TNFRSF8: variants seen among roughly 807,000 people sequenced by gnomAD.
TNFRSF8 encodes TNF receptor superfamily member 8, also known as tumor necrosis factor receptor superfamily member 8.
Under a neutral mutation model 70.8 loss-of-function variants are expected in TNFRSF8, and 26 were observed. The ratio of observed to expected loss-of-function variants is 0.37; its 90% CI spans 0.27 to 0.51. TNFRSF8 has a LOEUF of 0.51. TNFRSF8 is among the 20% of genes least tolerant of loss of function. The pLI, the probability that TNFRSF8 is intolerant of heterozygous loss-of-function variation, is 0.94. For synonymous variants in TNFRSF8, 356 were observed against 339.2 expected (o/e 1.05, Z -0.54); for missense variants, 720 against 807.9 (o/e 0.89, Z 1.32).
intron 1 of TNFRSF8, among the ~76,000 whole-genome samples, chr1:12,068,036 T>C (rs1640773060): frequency 1.3e-5 from 2 of 152,034 alleles, no homozygotes; most frequent in South Asian, 4.1e-4. Flanking sequence ...TTGAGAGCAG[T>C]GAGTGCCGGA....
At chr1:12,122,682 A>G (rs1344850382) in intron 8 of TNFRSF8, among the ~76,000 whole-genome samples, 2 of 152,198 alleles carry the variant, frequency 1.3e-5, no homozygotes, top group East Asian at 3.9e-4. Context: ...TAATTCCTTA[A>G]TAAAGTTGAT....
intron 4 of TNFRSF8, among the ~76,000 whole-genome samples, chr1:12,105,732 G>A (rs998232195): frequency 6.6e-6 from 1 of 152,116 alleles, no homozygotes; most frequent in African/African-American, 2.4e-5. Flanking sequence ...GAGGTCAGGA[G>A]TTCAAGACCA....
chr1:12,067,374 C>T (rs1640760443), intron 1 of TNFRSF8, among the ~76,000 whole-genome samples: 1 of 152,116 alleles, frequency 6.6e-6, no homozygotes, highest in South Asian at 2.1e-4. Flanking sequence ...CAGGCTGGGA[C>T]CAGGAAGGTT....
rs920674145 is a variant in TNFRSF8, at chr1:12,119,105, C to T, written c.946+3376C>T. 5.3e-5 allele frequency among the ~76,000 whole-genome samples: 8 copies of T among 152,210 alleles called. No individual in the cohort carries two copies. The highest frequency in any genetic ancestry group is 3.9e-4 in the Admixed American group (6 of 15,288). ...GTCTCGAACTCCTGACCTGGTGATC[C>T]GCCTGCCTCGGCCTCGCAAAAGTGC... is the stretch of plus-strand genomic sequence containing the variant. On this transcript the variant is annotated intron_variant, in intron 8 of 14. Coordinates refer to ENST00000263932, the MANE Select transcript of TNFRSF8 (RefSeq NM_001243.5). The surrounding 1 kb of genome is among the most constrained non-coding windows in gnomAD (Gnocchi z 4.4).
chr1:12,082,697 A>G (rs1361910134), intron 1 of TNFRSF8, among the ~76,000 whole-genome samples: 1 of 152,128 alleles, frequency 6.6e-6, no homozygotes. Flanking sequence ...CGATTAAACA[A>G]TCTCATCTAG....
At chr1:12,090,070 T>TCTACC (rs1417546183) in intron 2 of TNFRSF8, among the ~76,000 whole-genome samples, 1 of 147,374 alleles carries the variant, frequency 6.8e-6, no homozygotes, top group African/African-American at 2.5e-5. Context: ...CATCCATCCA[T>TCTACC]CTACCCACTC....
Position 12,112,059 on chromosome 1 carries a change from T to G in TNFRSF8, c.793+45T>G, listed in dbSNP as rs1440286080. 2 of 1,469,534 alleles carry G rather than the reference T, an allele frequency of 1.4e-6. No individual in the cohort carries two copies. Among genetic ancestry groups the G allele is most frequent in the Non-Finnish European group, 1.9e-6 (2 of 1,057,416 alleles). 91.0% of individuals were successfully genotyped at this position (1,469,534 alleles called of 1,614,324 possible). A position where few individuals can be genotyped will look rare whatever the true frequency, so the allele number is the denominator to read the frequency against. On this transcript the variant is annotated intron_variant, in intron 7 of 14. Transcript: ENST00000263932. The surrounding 1 kb of genome is among the most constrained non-coding windows in gnomAD (Gnocchi z 5.3). ...CCGGGCCTCAGTTTACCTCTCTGCA[T>G]TTTTGAACCGTGAACTTCCAGTAAC...
chr1:12,067,905 G>GC (rs1490161904), intron 1 of TNFRSF8, among the ~76,000 whole-genome samples: 4 of 135,396 alleles, frequency 3.0e-5, no homozygotes, highest in African/African-American at 5.3e-5. Flanking sequence ...CGGGGGGGCG[G>GC]GGGGGGGACC....
chr1:12,074,966 A>T (rs528693517), intron 1 of TNFRSF8, among the ~76,000 whole-genome samples: 8 of 152,100 alleles, frequency 5.3e-5, no homozygotes, highest in African/African-American at 1.7e-4. Context: ...TTAAAAAAAA[A>T]TTTTGTTAGG....
chr1:12,077,514 C>T (rs546828379), intron 1 of TNFRSF8, among the ~76,000 whole-genome samples: 2 of 152,204 alleles, frequency 1.3e-5, no homozygotes, highest in Non-Finnish European at 2.9e-5. Context: ...AGCAAAGAAA[C>T]AAGACCTCAG....
chr1:12,085,548 G>A (rs780648192), intron 2 of TNFRSF8, among the ~76,000 whole-genome samples: 1 of 152,124 alleles, frequency 6.6e-6, no homozygotes, highest in Non-Finnish European at 1.5e-5. Context: ...CTCCATGCCT[G>A]GCCTCTTTGC....
chr1:12,125,787 G>A, intron 10 of TNFRSF8, 164 bp from the exon 11 acceptor site: 1 of 678,630 alleles, frequency 1.5e-6, no homozygotes, highest in South Asian at 1.7e-5. Context: ...CTGGAGCCAG[G>A]CGAGGGAGGG....
At chr1:12,089,233 C>T (rs960483072) in intron 2 of TNFRSF8, among the ~76,000 whole-genome samples, 14 of 152,148 alleles carry the variant, frequency 9.2e-5, no homozygotes, top group Non-Finnish European at 2.9e-5. Flanking sequence ...TTCCATGTGT[C>T]ATGACTTGTC....
intron 1 of TNFRSF8, chr1:12,080,151 G>T (rs1179329169): frequency 7.2e-6 from 3 of 415,148 alleles, no homozygotes; most frequent in Admixed American, 2.8e-5. Context: ...GTTTTGCTAC[G>T]TTGGCCAGGC....
chr1:12,064,266 C>T (rs1397216708), intron 1 of TNFRSF8, among the ~76,000 whole-genome samples: 1 of 152,260 alleles, frequency 6.6e-6, no homozygotes, highest in Non-Finnish European at 1.5e-5. Flanking sequence ...GGCATTTGCC[C>T]CTGGAAGAAG....
intron 2 of TNFRSF8, among the ~76,000 whole-genome samples, chr1:12,084,780 T>G (rs2100968712): frequency 6.6e-6 from 1 of 152,292 alleles, no homozygotes; most frequent in Middle Eastern, 3.4e-3. Flanking sequence ...TCCATCTCCA[T>G]GAGTTTTTAT....
chr1:12,142,362 T>C lies in TNFRSF8; in HGVS notation c.1619T>C (p.Leu540Pro). ...VKAELPEGRGLAGPAEPELEE... is the reference protein window; with the variant it reads ...VKAELPEGRGPAGPAEPELEE... ...GCTGAGCTGCCGGAGGGCCGGGGCC[T>C]GGCGGGGCCAGCAGAGCCCGAGTTG... The change falls in exon 15 of 15, where the codon CTG becomes CCG. Residue 540 changes from leucine to proline, a missense_variant. Transcript: ENST00000263932. This position sits in a 1 kb window ranked among gnomAD's most constrained non-coding sequence, Gnocchi z 5.0. 1.2e-6 allele frequency: 2 copies of C among 1,609,528 alleles called. No individual in the cohort carries two copies.
In TNFRSF8 at chr1:12,112,085, T is replaced by C; in HGVS notation, c.793+71T>C. The C allele has an allele frequency of 9.0e-7, 1 of 1,114,600 alleles. No individual in the cohort carries two copies. The highest frequency in any genetic ancestry group is 1.3e-6 in the Non-Finnish European group (1 of 744,416). 69.0% of individuals were successfully genotyped at this position (1,114,600 alleles called of 1,614,324 possible). On this transcript the variant is annotated intron_variant, in intron 7 of 14. Transcript: ENST00000263932. This position sits in a 1 kb window ranked among gnomAD's most constrained non-coding sequence, Gnocchi z 5.3. ...TTTTGAACCGTGAACTTCCAGTAAC[T>C]ACTCCCCCTTATGTTTGTGGGTTTT... is the stretch of plus-strand genomic sequence containing the variant.
intron 1 of TNFRSF8, among the ~76,000 whole-genome samples, chr1:12,075,285 T>TA (rs1640920097): frequency 6.6e-6 from 1 of 150,738 alleles, no homozygotes; most frequent in South Asian, 2.1e-4. Flanking sequence ...AGGGTCTTGC[T>TA]ATGTTGCCCA....
Sources: allele counts gnomAD v4.1 joint callset (sites outside exome capture counted in the v4.1 genomes callset), GRCh38; gene constraint gnomAD v4.1.1; non-coding constraint Gnocchi (gnomAD v3.1); transcripts MANE v1.5; gene names NCBI Gene and HGNC (gene_info 2026-07-23, HGNC 2026-07-21).